Variants in C21orf58 observed in about 807,000 individuals in gnomAD.
The protein encoded by C21orf58 is uncharacterized protein C21orf58.
Under a neutral mutation model 35.8 loss-of-function variants are expected in C21orf58, and 34 were observed. The ratio of observed to expected loss-of-function variants is 0.95; its 90% CI spans 0.72 to 1.26. The LOEUF (loss-of-function observed/expected upper bound fraction) is 1.26, where lower values mean the gene tolerates loss of function less well. C21orf58 is among the 50% of genes most tolerant of loss of function. The pLI is 0.00. For synonymous variants in C21orf58, 191 were observed against 175.8 expected, an observed-to-expected ratio of 1.09 and a Z score of -0.68; for missense variants, 440 against 414.3, an observed-to-expected ratio of 1.06 and a Z score of -0.54.
At chr21:46,300,929 G>T, downstream of C21orf58, 2 of 820,732 alleles carry the variant, frequency 2.4e-6, no homozygotes, top group Non-Finnish European at 1.7e-6. Context: ...AAGGTAGCCT[G>T]TCCACATGGT....
Position 46,311,508 on chromosome 21 carries a change from CTG to C in C21orf58, c.667_668del (p.Gln223AspfsTer16). 6.2e-7 allele frequency: 1 copy of C among 1,612,598 alleles called. No individual in the cohort carries two copies. The highest frequency in any genetic ancestry group is 8.5e-7 in the Non-Finnish European group (1 of 1,179,420). On this transcript the variant is annotated frameshift_variant, in exon 6 of 8. Coordinates refer to ENST00000291691, the MANE Select transcript of C21orf58 (RefSeq NM_058180.5). LOFTEE classifies it high-confidence loss of function. ...TAGGGAAGGCCTGGGGAGGAGGAAT[CTG>C]TGCTATGAGTGGCTGCTGAGGGAGC... ...QQLPQQPLIA[Q>X]IPPPQAFPTQ...
chr21:46,303,795 A>G (rs1252275926), intron 6 of C21orf58, among the ~76,000 whole-genome samples: 5 of 124,260 alleles, frequency 4.0e-5, no homozygotes, highest in Non-Finnish European at 8.0e-5. Context: ...TCTGTCGCCG[A>G]GGCTGGAGTG....
chr21:46,301,618 ATCTT>A lies in C21orf58; in HGVS notation c.*377_*380del, dbSNP rs2082110888. The A allele has an allele frequency of 9.7e-7, 1 of 1,031,812 alleles. No homozygotes were observed. Among genetic ancestry groups the A allele is most frequent in the Non-Finnish European group, 1.2e-6 (1 of 860,986 alleles). 63.9% of individuals were successfully genotyped at this position (1,031,812 alleles called of 1,614,324 possible). A position where few individuals can be genotyped will look rare whatever the true frequency, so the allele number is the denominator to read the frequency against. On this transcript the variant is annotated 3_prime_UTR_variant, in exon 8 of 8. Transcript: ENST00000291691. The stretch of plus-strand genomic sequence containing the variant: ...TTTTCTTAAACTCTTTCTGGATGAA[ATCTT>A]TATTTCATCAGGCTGGTGGCGTCCA...
intron 6 of C21orf58, among the ~76,000 whole-genome samples, chr21:46,310,506 AAAAC>A (rs201587290): frequency 1.4e-5 from 2 of 146,666 alleles, no homozygotes; most frequent in African/African-American, 4.9e-5. Flanking sequence ...ATAAAAAAAA[AAAAC>A]AAAACTTGTC....
intron 6 of C21orf58, among the ~76,000 whole-genome samples, chr21:46,303,744 TA>T (rs1317872974): frequency 1.3e-3 from 24 of 17,906 alleles, no homozygotes; most frequent in African/African-American, 3.1e-3. Flanking sequence ...TATATATATA[TA>T]TTTTTTTTTT....
chr21:46,302,381 C>A, intron 7 of C21orf58, 104 bp downstream of exon 7: 5 of 1,091,992 alleles, frequency 4.6e-6, no homozygotes, highest in Non-Finnish European at 6.7e-6. Flanking sequence ...TAGACCTGAG[C>A]CAGGAATGCC....
At position 46,301,144 on chromosome 21, in the gene C21orf58, T is replaced by A; in HGVS notation, c.*855A>T. The A allele has an allele frequency of 1.2e-6, 1 of 833,078 alleles. No individual in the cohort carries two copies. The allele number at this position is 833,078 out of a possible 1,614,324, so 51.6% of individuals were successfully genotyped here. On this transcript the variant is annotated 3_prime_UTR_variant, in exon 8 of 8. Coordinates refer to ENST00000291691, the MANE Select transcript of C21orf58 (RefSeq NM_058180.5). ...TCATACACAGCTTGCTTCTTTCACT[T>A]TTTTATTTTATTTTTGAGACAGGGG...
intron 6 of C21orf58, 55 bp from the exon 7 acceptor site, chr21:46,302,631 T>TA (rs1256523241): frequency 7.2e-7 from 1 of 1,385,726 alleles, no homozygotes; most frequent in Non-Finnish European, 1.0e-6. Flanking sequence ...TCCTATTTGT[T>TA]AAAGTGATAG....
chr21:46,317,872 G>T, intron 2 of C21orf58, 140 bp downstream of exon 2: 1 of 870,012 alleles, frequency 1.1e-6, no homozygotes, highest in Non-Finnish European at 1.7e-6. Context: ...TAAGTCTGAG[G>T]ATGGGTCCGC....
chr21:46,322,390 G>C, intron 1 of C21orf58: 1 of 973,600 alleles, frequency 1.0e-6, no homozygotes, highest in African/African-American at 1.7e-5. Context: ...GAGGAACACA[G>C]TCTAGGCAAA....
chr21:46,315,960 G>C (rs2082961703), intron 3 of C21orf58, among the ~76,000 whole-genome samples: 1 of 152,124 alleles, frequency 6.6e-6, no homozygotes, highest in South Asian at 2.1e-4. Flanking sequence ...CTAGAGTCTG[G>C]TCTGATCCCC....
intron 3 of C21orf58, 65 bp from the exon 4 acceptor site, chr21:46,315,612 C>A (rs1485235062): frequency 3.9e-6 from 4 of 1,022,322 alleles, no homozygotes; most frequent in Non-Finnish European, 6.2e-6. Context: ...AGCACTCGGA[C>A]TGGATGGTAC....
intron 3 of C21orf58, among the ~76,000 whole-genome samples, chr21:46,316,956 C>T (rs889578762): frequency 1.3e-5 from 2 of 152,204 alleles, no homozygotes; most frequent in African/African-American, 4.8e-5. Flanking sequence ...CTCTCTGCCT[C>T]CATTTTCTCA....
intron 6 of C21orf58, among the ~76,000 whole-genome samples, chr21:46,303,537 C>T (rs2082219786): frequency 6.6e-6 from 1 of 150,512 alleles, no homozygotes; most frequent in African/African-American, 2.4e-5. Flanking sequence ...TAAATGGACA[C>T]TTTACAAAAA....
At position 46,318,014 on chromosome 21, in the gene C21orf58, G is replaced by C. The variant is rs1292407004; in HGVS notation, c.307C>G (p.Gln103Glu). 6.2e-7 allele frequency: 1 copy of C among 1,613,326 alleles called. No individual in the cohort carries two copies. Reference protein sequence around the residue: ...VTRLTLKLLGQKLEQERQNVE... With the variant: ...VTRLTLKLLGEKLEQERQNVE... ...GAGCATCCCGGGCTCTGCCTCACCT[G>C]TCCCAAGAGCTTCAGCGTCAGTCGG... Residue 103 changes from glutamine to glutamate, a missense_variant and splice_region_variant, in exon 2 of 8, where the codon CAG becomes GAG. Physicochemically the swap from Gln to Glu is conservative, Grantham distance 29 (BLOSUM62 2). Transcript: ENST00000291691.
chr21:46,310,998 A>G (rs999768789), intron 6 of C21orf58, among the ~76,000 whole-genome samples: 3 of 151,576 alleles, frequency 2.0e-5, no homozygotes, highest in African/African-American at 4.8e-5. Flanking sequence ...CAGCCTCCCA[A>G]GTAGCTGGGA....
At chr21:46,316,939 G>A (rs2082995479) in intron 3 of C21orf58, among the ~76,000 whole-genome samples, 2 of 152,244 alleles carry the variant, frequency 1.3e-5, no homozygotes. Context: ...CTGCCAGGGT[G>A]AGCAACCTCT....
intron 6 of C21orf58, among the ~76,000 whole-genome samples, chr21:46,307,522 G>C (rs143496272): frequency 6.6e-6 from 1 of 152,052 alleles, no homozygotes; most frequent in African/African-American, 2.4e-5. Flanking sequence ...TGGAAAAATC[G>C]ACAGGTAATA....
intron 6 of C21orf58, 91 bp from the exon 7 acceptor site, chr21:46,302,667 G>A (rs1174838608): frequency 1.0e-6 from 1 of 977,224 alleles, no homozygotes; most frequent in Non-Finnish European, 1.6e-6. Context: ...GAGAACAGGT[G>A]TGTCTGTACA....
Sources: allele counts gnomAD v4.1 joint callset (sites outside exome capture counted in the v4.1 genomes callset), GRCh38; gene constraint gnomAD v4.1.1; transcripts MANE v1.5; gene names NCBI Gene and HGNC (gene_info 2026-07-23, HGNC 2026-07-21).